Variants in LAMA2 observed in about 807,000 individuals in gnomAD.
The protein encoded by LAMA2 is laminin subunit alpha-2.
In LAMA2, 269 loss-of-function variants were observed where a neutral mutation model predicts 364.8. The ratio of observed to expected loss-of-function variants is 0.74; its 90% CI spans 0.67 to 0.82. The LOEUF is 0.82. LAMA2 is among the 40% of genes least tolerant of loss of function. LAMA2 has a pLI of 0.00. For synonymous variants in LAMA2, 1,379 were observed against 1,370.6 expected, an observed-to-expected ratio of 1.01 and a Z score of -0.14; for missense variants, 3,807 against 3,873.2, an observed-to-expected ratio of 0.98 and a Z score of 0.45.
At chr6:129,459,529 C>T (rs1346420638) in intron 48 of LAMA2, among the ~76,000 whole-genome samples, 1 of 152,076 alleles carries the variant, frequency 6.6e-6, no homozygotes, top group Admixed American at 6.6e-5. Context: ...GCAAACGACA[C>T]CAATGTGGTC....
chr6:128,984,252 A>G (rs1268731516), intron 1 of LAMA2, among the ~76,000 whole-genome samples: 1 of 152,190 alleles, frequency 6.6e-6, no homozygotes, highest in East Asian at 1.9e-4. Flanking sequence ...CAGAACTACT[A>G]GCAAAATCTC....
intron 1 of LAMA2, among the ~76,000 whole-genome samples, chr6:128,975,501 G>C (rs1048550884): frequency 6.6e-6 from 1 of 152,144 alleles, no homozygotes; most frequent in African/African-American, 2.4e-5. Context: ...AAAGTGTGGG[G>C]CAAATGATGG....
intron 4 of LAMA2, among the ~76,000 whole-genome samples, chr6:129,141,905 C>G (rs555234640): frequency 6.6e-6 from 1 of 152,034 alleles, no homozygotes; most frequent in South Asian, 2.1e-4. Flanking sequence ...TGTGTATTTT[C>G]AGTTCAAAAT....
chr6:129,449,438 C>A (rs11154479), intron 45 of LAMA2, among the ~76,000 whole-genome samples: 38,006 of 151,878 alleles, frequency 0.25, 6,010 homozygotes, highest in South Asian at 0.4. Context: ...AGAGCTCTCA[C>A]CCCTGTAAGC....
At chr6:129,306,400 T>A (rs955713560) in intron 22 of LAMA2, among the ~76,000 whole-genome samples, 1 of 147,480 alleles carries the variant, frequency 6.8e-6, no homozygotes, top group Non-Finnish European at 1.5e-5. Context: ...TAAATACTGG[T>A]TTGCAGCAAT....
At chr6:128,937,779 ATT>A (rs1779916836) in intron 1 of LAMA2, among the ~76,000 whole-genome samples, 1 of 151,058 alleles carries the variant, frequency 6.6e-6, no homozygotes, top group Non-Finnish European at 1.5e-5. Context: ...TCTAGTCACA[ATT>A]TCATTTATTT....
chr6:129,400,258 TC>T (rs1300789021), intron 37 of LAMA2, among the ~76,000 whole-genome samples: 3 of 152,148 alleles, frequency 2.0e-5, no homozygotes, highest in Non-Finnish European at 4.4e-5. Context: ...CACTTCCTAA[TC>T]CTATCACCTT....
At chr6:129,442,091 G>A in intron 43 of LAMA2, 2 of 596,528 alleles carry the variant, frequency 3.4e-6, no homozygotes, top group South Asian at 1.7e-5. Flanking sequence ...CTCTTTATAT[G>A]CCAACATTTT....
rs772211223 is a variant in LAMA2 at position 128,883,197 on chromosome 6, C to T, written c.-49C>T. 4.6e-6 allele frequency: 7 copies of T among 1,524,634 alleles called. No individual in the cohort carries two copies. Among genetic ancestry groups the T allele is most frequent in the Non-Finnish European group, 6.2e-6 (7 of 1,129,362 alleles). The allele number at this position is 1,524,634 out of a possible 1,614,324, so 94.4% of individuals were successfully genotyped here. A position where few individuals can be genotyped will look rare whatever the true frequency, so the allele number is the denominator to read the frequency against. On this transcript the variant is annotated 5_prime_UTR_variant, in exon 1 of 65. Transcript: ENST00000421865. The stretch of plus-strand genomic sequence containing the variant: ...AAGCCAAGGCCAGGGGACAGGGCGG[C>T]AGCGACTCCTCTGGCTCCCGAGAAG...
intron 1 of LAMA2, among the ~76,000 whole-genome samples, chr6:128,953,953 A>C (rs1454482062): frequency 1.3e-5 from 2 of 152,142 alleles, no homozygotes; most frequent in Non-Finnish European, 2.9e-5. Context: ...AATTTTTCTT[A>C]ATCTTCAAAA....
At chr6:129,125,682 C>T (rs1038061241) in intron 4 of LAMA2, among the ~76,000 whole-genome samples, 3 of 152,106 alleles carry the variant, frequency 2.0e-5, no homozygotes, top group Non-Finnish European at 4.4e-5. Context: ...ACTAAATAAA[C>T]AGCGTCAGGG....
chr6:129,274,487 C>T (rs1788164157), intron 17 of LAMA2, among the ~76,000 whole-genome samples: 1 of 151,344 alleles, frequency 6.6e-6, no homozygotes, highest in Admixed American at 6.6e-5. Flanking sequence ...GATAGTTTTA[C>T]CTTGGTGATT....
chr6:129,463,366 C>T (rs1190112469), intron 49 of LAMA2, among the ~76,000 whole-genome samples: 1 of 151,892 alleles, frequency 6.6e-6, no homozygotes. Flanking sequence ...TATTATTTCT[C>T]ATCCCATAGT....
chr6:129,488,232 C>T (rs1174306466), intron 56 of LAMA2, among the ~76,000 whole-genome samples: 1 of 152,100 alleles, frequency 6.6e-6, no homozygotes, highest in Non-Finnish European at 1.5e-5. Context: ...AATGCTTAAA[C>T]CAGGGGGACA....
At chr6:128,943,278 A>C (rs1189154638) in intron 1 of LAMA2, among the ~76,000 whole-genome samples, 1 of 24,032 alleles carries the variant, frequency 4.2e-5, no homozygotes, top group Non-Finnish European at 2.0e-4. Context: ...ACAGAGAGAG[A>C]GAGAGAGAGA....
rs1057425566 is a variant in LAMA2 at position 129,309,009 on chromosome 6, C to A, written c.3175-3852C>A. On this transcript the variant is annotated intron_variant, in intron 22 of 64. Coordinates refer to ENST00000421865, the MANE Select transcript of LAMA2 (RefSeq NM_000426.4). Reference sequence around the variant, plus strand: ...CAACACTGGGGATTATATTTTAACACGAGAATTAGTGGGGACATATCCAAC... The same window carrying A: ...CAACACTGGGGATTATATTTTAACAAGAGAATTAGTGGGGACATATCCAAC... Among the ~76,000 whole-genome samples, 3 of 152,264 alleles carry A rather than the reference C, an allele frequency of 2.0e-5. No individual in the cohort carries two copies. The East Asian group carries it at 5.8e-4, about 29-fold the overall frequency.
chr6:129,286,967 A>AAGAG (rs5879940), intron 18 of LAMA2, among the ~76,000 whole-genome samples: 103,991 of 104,344 alleles, frequency 1, 51,826 homozygotes, highest in Middle Eastern at 1. Context: ...CAAAGAAAGA[A>AAGAG]AGAAACAGAG....
chr6:129,043,861 A>G (rs1231727827), intron 1 of LAMA2, among the ~76,000 whole-genome samples: 1 of 152,046 alleles, frequency 6.6e-6, no homozygotes, highest in Admixed American at 6.6e-5. Context: ...AGAACCTAAA[A>G]TCTCTGTTCA....
At chr6:129,042,042 T>G (rs540166820) in intron 1 of LAMA2, among the ~76,000 whole-genome samples, 2 of 149,226 alleles carry the variant, frequency 1.3e-5, no homozygotes, top group Admixed American at 6.7e-5. Context: ...TGGTGACTCA[T>G]GCCTGTAATC....
Sources: allele counts gnomAD v4.1 joint callset (sites outside exome capture counted in the v4.1 genomes callset), GRCh38; gene constraint gnomAD v4.1.1; transcripts MANE v1.5; gene names NCBI Gene and HGNC (gene_info 2026-07-23, HGNC 2026-07-21).